SIK3: variants seen among roughly 807,000 people sequenced by gnomAD.
The protein encoded by SIK3 is serine/threonine-protein kinase SIK3.
SIK3 carries 28 observed loss-of-function variants against 144.2 expected under a neutral mutation model. The ratio of observed to expected loss-of-function variants is 0.19; its 90% confidence interval spans 0.14 to 0.27. The LOEUF (loss-of-function observed/expected upper bound fraction) is 0.27, where lower values mean the gene tolerates loss of function less well. SIK3 is among the 10% of genes least tolerant of loss of function. The pLI is 1.00. For missense variants in SIK3, 1,319 were observed against 1,776.0 expected (o/e 0.74, Z 4.62); for synonymous variants, 686 against 676.3 (o/e 1.01, Z -0.22).
chr11:116,986,968 G>C (rs566620130), intron 1 of SIK3, among the ~76,000 whole-genome samples: 1 of 152,306 alleles, frequency 6.6e-6, no homozygotes, highest in Admixed American at 6.5e-5. Flanking sequence ...TGGAGGGAAG[G>C]GGAAATGAGG....
intron 1 of SIK3, among the ~76,000 whole-genome samples, chr11:116,968,307 T>C (rs1472725919): frequency 1.3e-5 from 2 of 152,102 alleles, no homozygotes; most frequent in African/African-American, 2.4e-5. Flanking sequence ...CATGCCCGGC[T>C]AATTTTTTGT....
In SIK3 at chr11:116,949,236, T is replaced by C. The variant is rs567253971; in HGVS notation, c.454+4808A>G. On this transcript the variant is annotated intron_variant, in intron 3 of 24. Coordinates refer to ENST00000445177, the MANE Select transcript of SIK3 (RefSeq NM_001366686.3). ...AAAGCTAGATTCTTCTAGTGAAGTTTATTTCTCCATATTTACAGTGTTCAG... is the reference window on the plus strand; with the variant it reads ...AAAGCTAGATTCTTCTAGTGAAGTTCATTTCTCCATATTTACAGTGTTCAG... 3.0e-4 allele frequency among the ~76,000 whole-genome samples: 45 copies of C among 152,328 alleles called. 1 individual carries two copies. The highest frequency in any genetic ancestry group is 5.0e-4 in the Non-Finnish European group (34 of 68,030).
At chr11:116,924,433 A>G (rs1189658136) in intron 4 of SIK3, among the ~76,000 whole-genome samples, 1 of 151,984 alleles carries the variant, frequency 6.6e-6, no homozygotes, top group East Asian at 1.9e-4. Context: ...GAGAATATAA[A>G]GAAGGCCTTC....
intron 4 of SIK3, among the ~76,000 whole-genome samples, chr11:116,911,985 C>T (rs150341188): frequency 7.2e-5 from 11 of 152,340 alleles, no homozygotes; most frequent in South Asian, 2.1e-4. Flanking sequence ...ACCTACACAA[C>T]AGAAGCCATA....
intron 1 of SIK3, among the ~76,000 whole-genome samples, chr11:117,044,825 G>C (rs529990604): frequency 1.3e-5 from 2 of 152,270 alleles, no homozygotes; most frequent in African/African-American, 4.8e-5. Flanking sequence ...CGAGGCTGCA[G>C]TGAGCTAGGA....
At chr11:116,987,549 A>C (rs753777101) in intron 1 of SIK3, among the ~76,000 whole-genome samples, 1 of 152,200 alleles carries the variant, frequency 6.6e-6, no homozygotes, top group Admixed American at 6.5e-5. Context: ...AGGTACTAGG[A>C]GAATGCCCTC....
chr11:117,023,611 A>AC (rs1951874617), intron 1 of SIK3, among the ~76,000 whole-genome samples: 5 of 35,148 alleles, frequency 1.4e-4, no homozygotes, highest in African/African-American at 4.4e-4. Context: ...CAAACAAACA[A>AC]AAAAAAAAAA....
At chr11:116,900,813 G>A (rs1430609822) in intron 4 of SIK3, among the ~76,000 whole-genome samples, 3 of 151,806 alleles carry the variant, frequency 2.0e-5, no homozygotes, top group Non-Finnish European at 4.4e-5. Context: ...TTTTGTTTAC[G>A]CCTCTACATC....
At chr11:116,856,053 C>A (rs640621) in intron 21 of SIK3, among the ~76,000 whole-genome samples, 4 of 151,776 alleles carry the variant, frequency 2.6e-5, no homozygotes, top group Admixed American at 1.3e-4. Context: ...AAAAATTAGC[C>A]GGGCGTGGTG....
At chr11:116,977,564 G>A (rs1487044527) in intron 1 of SIK3, among the ~76,000 whole-genome samples, 8 of 152,220 alleles carry the variant, frequency 5.3e-5, no homozygotes, top group Non-Finnish European at 1.0e-4. Context: ...ACATTCCTTC[G>A]GAAAAGGAAG....
chr11:117,064,278 T>G (rs1210415345), intron 1 of SIK3, among the ~76,000 whole-genome samples: 1 of 152,198 alleles, frequency 6.6e-6, no homozygotes, highest in African/African-American at 2.4e-5. Context: ...TAGACTTCAT[T>G]AACACCAGAG....
intron 1 of SIK3, among the ~76,000 whole-genome samples, chr11:116,988,496 T>C (rs1565530814): frequency 6.6e-6 from 1 of 151,852 alleles, no homozygotes; most frequent in Non-Finnish European, 1.5e-5. Context: ...AGAAAAAACA[T>C]TGGCCCAGCC....
intron 4 of SIK3, among the ~76,000 whole-genome samples, chr11:116,915,683 G>A (rs1946598124): frequency 6.6e-6 from 1 of 152,104 alleles, no homozygotes; most frequent in Non-Finnish European, 1.5e-5. Context: ...TGAGGCCCTA[G>A]AAACAATTTG....
chr11:117,091,536 G>A (rs1038933032), intron 1 of SIK3, among the ~76,000 whole-genome samples: 3 of 152,130 alleles, frequency 2.0e-5, no homozygotes, highest in Admixed American at 1.3e-4. Context: ...TGTTAAGTCT[G>A]TCTTTCCAGA....
chr11:117,087,995 CAA>C (rs1955088491), intron 1 of SIK3, among the ~76,000 whole-genome samples: 1 of 152,076 alleles, frequency 6.6e-6, no homozygotes, highest in African/African-American at 2.4e-5. Context: ...TTCGGGAAGC[CAA>C]AGAGGGAGGA....
chr11:117,005,617 A>AACC (rs1951019030), intron 1 of SIK3, among the ~76,000 whole-genome samples: 1 of 152,136 alleles, frequency 6.6e-6, no homozygotes, highest in African/African-American at 2.4e-5. Context: ...CTTCAGGTAT[A>AACC]ACCACTCTCT....
intron 2 of SIK3, among the ~76,000 whole-genome samples, chr11:116,954,996 A>C (rs1430675378): frequency 6.6e-6 from 1 of 152,236 alleles, no homozygotes; most frequent in East Asian, 1.9e-4. Flanking sequence ...TAATTCTAAT[A>C]CTACTTTTTA....
chr11:117,078,940 G>GT (rs929571654), intron 1 of SIK3, among the ~76,000 whole-genome samples: 2 of 150,528 alleles, frequency 1.3e-5, no homozygotes, highest in Admixed American at 6.6e-5. Flanking sequence ...TAAAATGAGA[G>GT]TTTTTTAAAA....
intron 21 of SIK3, among the ~76,000 whole-genome samples, chr11:116,856,749 C>T (rs78857232): frequency 0.14 from 22,048 of 152,204 alleles, 1,666 homozygotes; most frequent in Admixed American, 0.17. Flanking sequence ...ACCACCAAGG[C>T]GTTTTCACAG....
Sources: allele counts gnomAD v4.1 joint callset (sites outside exome capture counted in the v4.1 genomes callset), GRCh38; gene constraint gnomAD v4.1.1; transcripts MANE v1.5; gene names NCBI Gene and HGNC (gene_info 2026-07-23, HGNC 2026-07-21).